YY1AP1: variants seen among roughly 807,000 people sequenced by gnomAD.
The protein encoded by YY1AP1 is YY1-associated protein 1.
A neutral mutation model predicts 39.9 loss-of-function variants in YY1AP1; 43 were observed. The observed-to-expected ratio is 1.08, with a 90% confidence interval of 0.84 to 1.39. YY1AP1 has a LOEUF of 1.39. Ranked by LOEUF, YY1AP1 falls within the 40% of genes most tolerant of loss-of-function variation. The pLI, the probability that YY1AP1 is intolerant of heterozygous loss-of-function variation, is 0.00. For missense variants in YY1AP1, 813 were observed against 900.7 expected (o/e 0.90, Z 1.25); for synonymous variants, 292 against 331.3 (o/e 0.88, Z 1.29).
rs1410895956 is a variant in YY1AP1, at chr1:155,661,107, C to G, written c.997-194G>C. ...CTCTGAATTTCCTTTAGCAAATTAC[C>G]ATTTTACCCATTATTTTGAAAATGT... On this transcript the variant is annotated intron_variant, in intron 10 of 10. Coordinates refer to ENST00000355499, the MANE Select transcript of YY1AP1 (RefSeq NM_139119.3). 8 of 1,495,768 alleles carry G rather than the reference C, an allele frequency of 5.3e-6. No individual in the cohort carries two copies. In the East Asian group the frequency reaches 1.9e-4, roughly 36 times the overall value. The allele number at this position is 1,495,768 out of a possible 1,614,324, so 92.7% of individuals were successfully genotyped here. A position where few individuals can be genotyped will look rare whatever the true frequency, so the allele number is the denominator to read the frequency against.
chr1:155,663,766 C>A (rs993062677), intron 9 of YY1AP1, among the ~76,000 whole-genome samples: 1 of 151,798 alleles, frequency 6.6e-6, no homozygotes, highest in South Asian at 2.1e-4. Flanking sequence ...TTTTAAAAAA[C>A]CATGGATAAA....
intron 1 of YY1AP1, 196 bp downstream of exon 1, chr1:155,688,463 A>G (rs201567646): frequency 1.9e-6 from 3 of 1,549,734 alleles, no homozygotes; most frequent in Non-Finnish European, 1.7e-6. Context: ...GACTCCGGCC[A>G]TGTAGCGCGC....
chr1:155,680,181 C>CAA (rs35423534), intron 3 of YY1AP1, among the ~76,000 whole-genome samples: 10 of 104,762 alleles, frequency 9.5e-5, no homozygotes, highest in East Asian at 4.6e-4. Context: ...GACTTTGCCT[C>CAA]AAAAAAAAAA....
At chr1:155,675,735 T>C (rs1650556764) in intron 5 of YY1AP1, among the ~76,000 whole-genome samples, 1 of 151,978 alleles carries the variant, frequency 6.6e-6, no homozygotes, top group Admixed American at 6.6e-5. Flanking sequence ...TGGGATTACA[T>C]GTGTGAGCCA....
intron 9 of YY1AP1, among the ~76,000 whole-genome samples, chr1:155,663,616 C>T (rs768076637): frequency 2.7e-4 from 40 of 150,702 alleles, no homozygotes; most frequent in East Asian, 4.0e-4. Flanking sequence ...CTCCTCGGGA[C>T]GCTGAAACAG....
chr1:155,674,509 TGAG>T (rs1395711643), intron 6 of YY1AP1, among the ~76,000 whole-genome samples: 1 of 151,798 alleles, frequency 6.6e-6, no homozygotes, highest in Non-Finnish European at 1.5e-5. Flanking sequence ...AATCTAAAGA[TGAG>T]GAGGAGGACC....
At chr1:155,665,070 C>A (rs563002237) in intron 9 of YY1AP1, among the ~76,000 whole-genome samples, 14 of 151,830 alleles carry the variant, frequency 9.2e-5, no homozygotes, top group African/African-American at 3.1e-4. Flanking sequence ...GCGCCCGGCC[C>A]CGGAGATGGT....
At chr1:155,661,277 T>C in intron 10 of YY1AP1, 30 bp downstream of exon 10, 1 of 1,613,966 alleles carries the variant, frequency 6.2e-7, no homozygotes, top group Non-Finnish European at 8.5e-7. Flanking sequence ...ACCTTCTGCC[T>C]CCTACAGACT....
intron 6 of YY1AP1, among the ~76,000 whole-genome samples, chr1:155,673,524 T>G (rs1650164684): frequency 6.6e-6 from 1 of 152,066 alleles, no homozygotes; most frequent in South Asian, 2.1e-4. Flanking sequence ...TCCAAAAGTT[T>G]GAGGCAATTT....
intron 4 of YY1AP1, among the ~76,000 whole-genome samples, chr1:155,677,647 G>C (rs1650909527): frequency 6.6e-6 from 1 of 152,174 alleles, no homozygotes; most frequent in Admixed American, 6.5e-5. Flanking sequence ...GATTACGTTT[G>C]AATAAGTTTT....
chr1:155,676,397 G>GCTC (rs1650687457), intron 5 of YY1AP1, 151 bp downstream of exon 5: 1 of 881,162 alleles, frequency 1.1e-6, no homozygotes, highest in African/African-American at 1.7e-5. Context: ...GACTTCTCAA[G>GCTC]CTCCTAACTG....
intron 10 of YY1AP1, 45 bp downstream of exon 10, chr1:155,661,262 C>T (rs1177280077): frequency 7.4e-6 from 12 of 1,613,940 alleles, no homozygotes; most frequent in South Asian, 1.1e-5. Context: ...TCAGAACTTT[C>T]AGTGACCTTC....
At chr1:155,688,471 C>T in intron 1 of YY1AP1, 188 bp downstream of exon 1, 1 of 1,549,798 alleles carries the variant, frequency 6.5e-7, no homozygotes, top group Middle Eastern at 1.7e-4. Context: ...CCATGTAGCG[C>T]GCACGTCAGC....
intron 2 of YY1AP1, among the ~76,000 whole-genome samples, chr1:155,683,067 C>G (rs1270700621): frequency 6.6e-6 from 1 of 150,660 alleles, no homozygotes; most frequent in African/African-American, 2.4e-5. Flanking sequence ...GCCTGGGCGA[C>G]AAGAGCGAAA....
At chr1:155,682,198 T>C (rs953412793) in intron 2 of YY1AP1, among the ~76,000 whole-genome samples, 6 of 152,174 alleles carry the variant, frequency 3.9e-5, no homozygotes, top group Non-Finnish European at 7.4e-5. Flanking sequence ...ATGATTATCA[T>C]GTTAATGGGT....
In YY1AP1 at chr1:155,672,551, G is replaced by T. The variant is rs542415102; in HGVS notation, c.583+9C>A. The T allele has an allele frequency of 6.2e-6, 10 of 1,606,262 alleles. No individual in the cohort carries two copies. The East Asian group carries it at 2.2e-4, about 36-fold the overall frequency. Reference sequence around the variant, plus strand: ...GTAAAAACTTAAAGCTGACACATCTGTCTCCTACCAGTCTTCTTGACAGTT... The same window carrying T: ...GTAAAAACTTAAAGCTGACACATCTTTCTCCTACCAGTCTTCTTGACAGTT... On this transcript the variant is annotated intron_variant, in intron 7 of 10. Coordinates refer to ENST00000355499, the MANE Select transcript of YY1AP1 (RefSeq NM_139119.3).
In YY1AP1 at chr1:155,679,443, G is replaced by T; in HGVS notation, c.91C>A (p.Pro31Thr). 1 of 1,614,184 alleles carries T rather than the reference G, an allele frequency of 6.2e-7. No individual in the cohort carries two copies. Among genetic ancestry groups the T allele is most frequent in the Admixed American group, 1.7e-5 (1 of 60,024 alleles). ...TGAGGGGTGTTAAAGTTAGCTTGAGGCTCAGCCACACGCTCCTCCTCTTCT... is the reference window on the plus strand; with the variant it reads ...TGAGGGGTGTTAAAGTTAGCTTGAGTCTCAGCCACACGCTCCTCCTCTTCT... ...GPEEEERVAE[P>T]QANFNTPQAL... The change falls in exon 4 of 11, where the codon CCT becomes ACT. Residue 31 changes from proline to threonine, a missense_variant. By Grantham distance (38) the Pro-to-Thr change is conservative. This residue lies in a region of YY1AP1 where 196 missense variants were observed against 189.7 expected (regional missense o/e 1.03). Transcript: ENST00000355499.
chr1:155,680,163 C>T (rs1414598067), intron 3 of YY1AP1, among the ~76,000 whole-genome samples: 1 of 134,312 alleles, frequency 7.4e-6, no homozygotes, highest in African/African-American at 2.9e-5. Flanking sequence ...GCCTGGGTGA[C>T]AGAGCAAGAC....
At chr1:155,661,079 CTT>C in intron 10 of YY1AP1, 166 bp from the exon 11 acceptor site, 1 of 1,481,120 alleles carries the variant, frequency 6.8e-7, no homozygotes, top group Non-Finnish European at 9.1e-7. Flanking sequence ...TTTAGAAACT[CTT>C]CTCTGAATTT....
Sources: gnomAD v4.1 joint callset for allele counts (sites outside exome capture counted in the v4.1 genomes callset) on GRCh38, gnomAD v4.1.1 for gene constraint, gnomAD v4.1.1 regional missense constraint, MANE v1.5 for transcripts, NCBI Gene and HGNC (gene_info 2026-07-23, HGNC 2026-07-21) for gene names.